Variants in STAG1 observed in about 807,000 individuals in gnomAD.
The protein encoded by STAG1 is cohesin subunit SA-1.
In STAG1, 26 loss-of-function variants were observed where a neutral mutation model predicts 170.9. The observed-to-expected ratio is 0.15, with a 90% CI of 0.11 to 0.21. STAG1 has a LOEUF of 0.21. Among genes scored for constraint, STAG1 ranks in the 10% least tolerant of loss-of-function variants. The pLI, the probability that STAG1 is intolerant of heterozygous loss-of-function variation, is 1.00. For missense variants in STAG1, 964 were observed against 1,509.5 expected, an observed-to-expected ratio of 0.64 and a Z score of 5.99; for synonymous variants, 514 against 497.7, an observed-to-expected ratio of 1.03 and a Z score of -0.44.
At position 136,532,067 on chromosome 3, in the gene STAG1, G is replaced by A. The variant is rs143142708; in HGVS notation, c.471+10052C>T. 5.9e-3 allele frequency among the ~76,000 whole-genome samples: 887 copies of A among 151,458 alleles called. 7 individuals carry two copies. The highest frequency in any genetic ancestry group is 0.021 in the African/African-American group (850 of 41,250). On this transcript the variant is annotated intron_variant, in intron 6 of 33. Transcript: ENST00000383202. The stretch of plus-strand genomic sequence containing the variant: ...AAATTAAAACTAAAAAAAATACAAC[G>A]GATCAATAAAATGAAAAGATAAAAC...
intron 14 of STAG1, among the ~76,000 whole-genome samples, chr3:136,446,861 G>A (rs1363174943): frequency 1.3e-5 from 2 of 150,516 alleles, no homozygotes; most frequent in African/African-American, 4.9e-5. Flanking sequence ...ATGCAGTGGC[G>A]CAATCTCGGC....
At chr3:136,627,644 T>C (rs907001625) in intron 2 of STAG1, among the ~76,000 whole-genome samples, 1 of 152,184 alleles carries the variant, frequency 6.6e-6, no homozygotes, top group Non-Finnish European at 1.5e-5. Flanking sequence ...AGTTTCTCTT[T>C]AGGATATATG....
At chr3:136,667,045 G>A (rs1416417068) in intron 1 of STAG1, among the ~76,000 whole-genome samples, 2 of 152,028 alleles carry the variant, frequency 1.3e-5, no homozygotes, top group Admixed American at 1.3e-4. Context: ...TGTAATTATA[G>A]CAAATAAAAT....
chr3:136,377,301 G>A (rs1478227260), intron 23 of STAG1, among the ~76,000 whole-genome samples: 1 of 144,398 alleles, frequency 6.9e-6, no homozygotes, highest in Non-Finnish European at 1.5e-5. Flanking sequence ...GCAGGAGAAT[G>A]GCGTGAACCC....
intron 32 of STAG1, 66 bp downstream of exon 32, chr3:136,340,425 G>A: frequency 1.9e-6 from 2 of 1,074,050 alleles, no homozygotes; most frequent in Non-Finnish European, 2.9e-6. Flanking sequence ...CCCGGCCTAA[G>A]AGGATCATCT....
At position 136,628,967 on chromosome 3, in the gene STAG1, T is replaced by C. The variant is rs772680798; in HGVS notation, c.29+1903A>G. On this transcript the variant is annotated intron_variant, in intron 2 of 33. Transcript: ENST00000383202. ...TAGTGTCTACATTTTAAAACCAAAA[T>C]TGGACATCTCAATTTAACCAAGAGT... is the stretch of plus-strand genomic sequence containing the variant. 2.6e-5 allele frequency among the ~76,000 whole-genome samples: 4 copies of C among 152,138 alleles called. No homozygotes were observed. The East Asian group carries it at 5.8e-4, about 22-fold the overall frequency.
rs968258715 is a variant in STAG1, at chr3:136,621,751, G to T, written c.132+1395C>A. 2.0e-5 allele frequency among the ~76,000 whole-genome samples: 3 copies of T among 151,968 alleles called. No individual in the cohort carries two copies. The East Asian group carries it at 5.8e-4, about 29-fold the overall frequency. ...ATTCTGGCAAACAAGAGGGAAAAAT[G>T]ACTTAACTTATCAAAAAACCAGTCT... On this transcript the variant is annotated intron_variant, in intron 3 of 33. Coordinates refer to ENST00000383202, the MANE Select transcript of STAG1 (RefSeq NM_005862.3).
intron 1 of STAG1, among the ~76,000 whole-genome samples, chr3:136,751,745 G>A (rs541723610): frequency 4.6e-4 from 70 of 151,898 alleles, no homozygotes; most frequent in African/African-American, 1.6e-3. Context: ...GCGGCGGAAG[G>A]CATTCGCGCC....
intron 1 of STAG1, among the ~76,000 whole-genome samples, chr3:136,714,959 A>ATTT (rs1943490036): frequency 1.4e-5 from 1 of 69,806 alleles, no homozygotes; most frequent in Non-Finnish European, 3.8e-5. Flanking sequence ...ATATATATAT[A>ATTT]TATATTTTAT....
At chr3:136,340,634 C>T in intron 31 of STAG1, 29 bp from the exon 32 acceptor site, 3 of 1,414,862 alleles carry the variant, frequency 2.1e-6, no homozygotes, top group African/African-American at 2.8e-5. Flanking sequence ...TGTCAGAAAG[C>T]TCATCAGACT....
chr3:136,573,812 A>T (rs1003030077), intron 4 of STAG1, among the ~76,000 whole-genome samples: 3 of 152,030 alleles, frequency 2.0e-5, no homozygotes, highest in Non-Finnish European at 4.4e-5. Context: ...CTCTATTAAA[A>T]TACAAAAAAT....
chr3:136,623,287 A>C, intron 2 of STAG1, 39 bp from the exon 3 acceptor site: 1 of 1,567,680 alleles, frequency 6.4e-7, no homozygotes, highest in Non-Finnish European at 8.8e-7. Context: ...CAAATTAATA[A>C]GTATAATGCA....
rs532613438 is a variant in STAG1, at chr3:136,526,038, A to C, written c.472-4621T>G. 1.4e-4 allele frequency among the ~76,000 whole-genome samples: 21 copies of C among 152,284 alleles called. No homozygotes were observed. The East Asian group carries it at 2.9e-3, about 21-fold the overall frequency. ...CAACTATGTGGTCAATTTTGGAATA[A>C]GTATGACGTGGTGCTGAGAAGAATG... On this transcript the variant is annotated intron_variant, in intron 6 of 33. Transcript: ENST00000383202.
intron 1 of STAG1, among the ~76,000 whole-genome samples, chr3:136,724,375 T>C (rs1021611030): frequency 1.3e-5 from 2 of 151,360 alleles, no homozygotes; most frequent in African/African-American, 4.9e-5. Context: ...TGGTGCAAGA[T>C]GCGCTTTGTT....
rs1935712559 is a variant in STAG1, at chr3:136,337,151, C to CT, written c.*1102dup. 6.6e-6 allele frequency: 1 copy of CT among 152,630 alleles called. No individual in the cohort carries two copies. 9.5% of individuals were successfully genotyped at this position (152,630 alleles called of 1,614,324 possible). A position where few individuals can be genotyped will look rare whatever the true frequency, so the allele number is the denominator to read the frequency against. On this transcript the variant is annotated 3_prime_UTR_variant, in exon 34 of 34. Transcript: ENST00000383202. ...AAGGTAAGCTTAGGAACTTCACCCT[C>CT]TAAGCACAGACTTCTATGCAGCACA...
chr3:136,629,223 C>T (rs1299413795), intron 2 of STAG1, among the ~76,000 whole-genome samples: 4 of 152,088 alleles, frequency 2.6e-5, no homozygotes, highest in African/African-American at 9.7e-5. Flanking sequence ...CTACCTAATA[C>T]CCAACAGTGT....
intron 15 of STAG1, among the ~76,000 whole-genome samples, chr3:136,441,032 T>C (rs1378549199): frequency 7.3e-4 from 2 of 2,750 alleles, no homozygotes; most frequent in African/African-American, 1.8e-3. Context: ...CATCTTTCCT[T>C]TTTTTTTTTT....
At chr3:136,643,659 C>A (rs999175022) in intron 1 of STAG1, among the ~76,000 whole-genome samples, 1 of 152,142 alleles carries the variant, frequency 6.6e-6, no homozygotes, top group Admixed American at 6.5e-5. Flanking sequence ...CAGGCACACA[C>A]CACCACACCT....
intron 15 of STAG1, among the ~76,000 whole-genome samples, chr3:136,437,955 C>A (rs147584479): frequency 4.3e-4 from 65 of 152,268 alleles, no homozygotes; most frequent in Non-Finnish European, 7.5e-4. Context: ...AGGGATTTTT[C>A]TTAAAATATG....
Sources: allele counts gnomAD v4.1 joint callset (sites outside exome capture counted in the v4.1 genomes callset), GRCh38; gene constraint gnomAD v4.1.1; transcripts MANE v1.5; gene names NCBI Gene and HGNC (gene_info 2026-07-23, HGNC 2026-07-21).